SCN1A: variants seen among roughly 807,000 people sequenced by gnomAD.
SCN1A encodes the protein sodium channel protein type 1 subunit alpha.
SCN1A carries 13 observed loss-of-function variants against 193.7 expected under a neutral mutation model. That is an observed-to-expected ratio of 0.07 (90% CI 0.04 to 0.11). The LOEUF is 0.11. SCN1A is among the 10% of genes least tolerant of loss of function. SCN1A has a pLI of 1.00. For missense variants in SCN1A, 1,432 were observed against 2,451.1 expected, an observed-to-expected ratio of 0.58 and a Z score of 8.78; for synonymous variants, 781 against 843.6, an observed-to-expected ratio of 0.93 and a Z score of 1.29.
chr2:166,038,871 T>C (rs1178652233), intron 17 of SCN1A, among the ~76,000 whole-genome samples: 1 of 152,204 alleles, frequency 6.6e-6, no homozygotes, highest in African/African-American at 2.4e-5. Flanking sequence ...TACATCCACC[T>C]GCATTGAAAA....
chr2:166,024,530 T>C (rs1694486895), intron 19 of SCN1A, among the ~76,000 whole-genome samples: 1 of 152,224 alleles, frequency 6.6e-6, no homozygotes, highest in Non-Finnish European at 1.5e-5. Flanking sequence ...TTTCTTCTTT[T>C]TTATTGGCCA....
In SCN1A at chr2:165,987,756, A is replaced by C. The variant is rs936987233; in HGVS notation, c.*3489T>G. 1 of 152,160 alleles carries C rather than the reference A, an allele frequency of 6.6e-6. No individual in the cohort carries two copies. The highest frequency in any genetic ancestry group is 2.4e-5 in the African/African-American group (1 of 41,426). The allele number at this position is 152,160 out of a possible 1,614,324, so 9.4% of individuals were successfully genotyped here. ...TTTTAGCACAGAAAATATCATGCCA[A>C]ATATTTCAAAATGAATATGGAGATT... On this transcript the variant is annotated 3_prime_UTR_variant, in exon 29 of 29. Coordinates refer to ENST00000674923, the MANE Select transcript of SCN1A (RefSeq NM_001165963.4).
At chr2:166,071,141 A>C (rs946854432) in intron 4 of SCN1A, among the ~76,000 whole-genome samples, 1 of 152,208 alleles carries the variant, frequency 6.6e-6, no homozygotes, top group East Asian at 1.9e-4. Context: ...GGAACACATC[A>C]GTCTTCACTT....
intron 2 of SCN1A, among the ~76,000 whole-genome samples, chr2:166,089,449 G>A (rs539365582): frequency 9.9e-5 from 15 of 152,082 alleles, no homozygotes; most frequent in Admixed American, 4.6e-4. Context: ...AGTATCTCTG[G>A]GAGTACATGA....
intron 10 of SCN1A, 64 bp from the exon 11 acceptor site, chr2:166,047,832 C>G: frequency 6.3e-7 from 1 of 1,598,850 alleles, no homozygotes; most frequent in Middle Eastern, 1.7e-4. Context: ...TGATACTATG[C>G]TATGATATTG....
Position 165,991,825 on chromosome 2 carries a change from G to T in SCN1A, c.5450C>A (p.Pro1817His). The stretch of plus-strand genomic sequence containing the variant: ...AAATTCCATGAACTGAGTTGCATCG[G>T]GATCAAACTTCTCCCAAACCTCATA... ...MFYEVWEKFDPDATQFMEFEK... is the reference protein window; with the variant it reads ...MFYEVWEKFDHDATQFMEFEK... Residue 1817 changes from proline (P) to histidine (H), a missense_variant, in exon 29 of 29, where the codon CCC (proline) becomes CAC (histidine). Physicochemically the swap from Pro to His is moderately conservative, Grantham distance 77 (BLOSUM62 -2). Transcript: ENST00000674923. The T allele has an allele frequency of 1.2e-6, 2 of 1,613,828 alleles. No individual in the cohort carries two copies. Among genetic ancestry groups the T allele is most frequent in the Non-Finnish European group, 1.7e-6 (2 of 1,179,900 alleles).
upstream of SCN1A, chr2:166,128,051 C>CCAA (rs376675273): frequency 5.5e-5 from 7 of 127,186 alleles, 1 homozygote; most frequent in Admixed American, 4.9e-4. Context: ...TAGCTTGTTT[C>CCAA]AAAAAAAAAA....
At chr2:166,030,032 A>G (rs1695340736) in intron 19 of SCN1A, among the ~76,000 whole-genome samples, 1 of 152,164 alleles carries the variant, frequency 6.6e-6, no homozygotes, top group South Asian at 2.1e-4. Context: ...CCTATGCCCA[A>G]TGTGCAGTGA....
chr2:165,997,838 A>G (rs1048481965), intron 26 of SCN1A, among the ~76,000 whole-genome samples, 200 bp downstream of exon 26: 2 of 151,334 alleles, frequency 1.3e-5, no homozygotes, highest in African/African-American at 2.4e-5. Context: ...ACCTATGAAC[A>G]AGAGTGTGGA....
At chr2:165,994,691 C>A (rs1483804303) in intron 27 of SCN1A, among the ~76,000 whole-genome samples, 1 of 151,114 alleles carries the variant, frequency 6.6e-6, no homozygotes, top group Non-Finnish European at 1.5e-5. Context: ...AAGAAACATT[C>A]AACACTGTAT....
At chr2:166,130,977 C>G (rs1272482180), upstream of SCN1A, among the ~76,000 whole-genome samples, 2 of 152,142 alleles carry the variant, frequency 1.3e-5, no homozygotes, top group African/African-American at 4.8e-5. Context: ...CTACACTTAT[C>G]CCATTTGACC....
At chr2:166,024,286 C>T (rs972360367) in intron 19 of SCN1A, among the ~76,000 whole-genome samples, 1 of 152,040 alleles carries the variant, frequency 6.6e-6, no homozygotes, top group African/African-American at 2.4e-5. Flanking sequence ...CATCTCTGAC[C>T]AAGGAGAAGC....
Position 166,114,600 on chromosome 2 carries a change from T to C in SCN1A, c.-142+12324A>G, listed in dbSNP as rs550680936. ...ATCTGTTTATACAACAGATGATCTT[T>C]TGGCTATTAATAAAAATGTAAAATT... On this transcript the variant is annotated intron_variant, in intron 2 of 28. Transcript: ENST00000674923. 6.6e-5 allele frequency among the ~76,000 whole-genome samples: 10 copies of C among 152,340 alleles called. No homozygotes were observed. In the South Asian group the frequency reaches 1.9e-3, roughly 28 times the overall value.
chr2:166,051,391 C>T (rs572042813), intron 9 of SCN1A, among the ~76,000 whole-genome samples: 79 of 151,946 alleles, frequency 5.2e-4, no homozygotes, highest in African/African-American at 1.8e-3. Context: ...TAAAAGATCA[C>T]GTCTTGTTAT....
rs772263513 is a variant in SCN1A at position 166,039,582 on chromosome 2, G to T, written c.2430C>A (p.Ile810=). The change falls in exon 17 of 29, where the codon ATC becomes ATA. Residue 810 remains isoleucine, a synonymous_variant. Transcript: ENST00000674923. ...TTTTCAGAAACATTTCTGCTGTAAA[G>T]ATCCCAGTGAAAACCTAAGATCAAA... ...LTVGNLVFTG[I]FTAEMFLKII... 3.5e-5 allele frequency: 56 copies of T among 1,613,568 alleles called. No individual in the cohort carries two copies. The highest frequency in any genetic ancestry group is 4.7e-5 in the Non-Finnish European group (56 of 1,179,768).
At chr2:166,129,261 C>T (rs1691537845), upstream of SCN1A, among the ~76,000 whole-genome samples, 2 of 152,172 alleles carry the variant, frequency 1.3e-5, 1 homozygote, top group South Asian at 4.2e-4. Context: ...TCCCAAGAGC[C>T]CAAAGAATAA....
rs1273904336 is a variant in SCN1A at position 166,052,950 on chromosome 2, T to A, written c.603-7A>T. On this transcript the variant is annotated splice_polypyrimidine_tract_variant and splice_region_variant and intron_variant, in intron 7 of 28. Transcript: ENST00000674923. ...CACAAACTCTGTGACGTACCTGTAATAGGGAGTTCACACACAAACACAAAA... is the reference window on the plus strand; with the variant it reads ...CACAAACTCTGTGACGTACCTGTAAAAGGGAGTTCACACACAAACACAAAA... 6.2e-7 allele frequency: 1 copy of A among 1,608,598 alleles called. No individual in the cohort carries two copies. Among genetic ancestry groups the A allele is most frequent in the East Asian group, 2.2e-5 (1 of 44,762 alleles).
chr2:165,995,398 ATTTG>A (rs546256500), intron 27 of SCN1A, among the ~76,000 whole-genome samples: 392 of 151,840 alleles, frequency 2.6e-3, no homozygotes, highest in Non-Finnish European at 4.7e-3. Context: ...TTTCATAGCA[ATTTG>A]TTTATTTCAT....
chr2:166,101,985 G>T (rs762357760), intron 2 of SCN1A, among the ~76,000 whole-genome samples: 1 of 152,146 alleles, frequency 6.6e-6, no homozygotes, highest in Non-Finnish European at 1.5e-5. Context: ...TATGATGAAG[G>T]TCTAATATCC....
Sources: gnomAD v4.1 joint callset for allele counts (sites outside exome capture counted in the v4.1 genomes callset) on GRCh38, gnomAD v4.1.1 for gene constraint, MANE v1.5 for transcripts, NCBI Gene and HGNC (gene_info 2026-07-23, HGNC 2026-07-21) for gene names.